Variants in KIAA1217 observed in about 807,000 individuals in gnomAD.
KIAA1217 encodes KIAA1217.
KIAA1217 carries 88 observed loss-of-function variants against 163.9 expected under a neutral mutation model. That is an observed-to-expected ratio of 0.54 (90% CI 0.45 to 0.64). The LOEUF is 0.64. Among genes scored for constraint, KIAA1217 ranks in the 30% least tolerant of loss-of-function variants. KIAA1217 has a pLI of 0.00. For synonymous variants in KIAA1217, 903 were observed against 923.1 expected (o/e 0.98, Z 0.39); for missense variants, 2,372 against 2,475.0 (o/e 0.96, Z 0.88).
At chr10:23,864,570 T>C (rs1840099958) in intron 1 of KIAA1217, among the ~76,000 whole-genome samples, 1 of 149,514 alleles carries the variant, frequency 6.7e-6, no homozygotes, top group African/African-American at 2.5e-5. Context: ...CCACAGTACT[T>C]TCAGCTTGGG....
chr10:24,242,737 C>T (rs1440011236), intron 2 of KIAA1217, among the ~76,000 whole-genome samples: 1 of 152,166 alleles, frequency 6.6e-6, no homozygotes, highest in African/African-American at 2.4e-5. Context: ...TCCTCCACAG[C>T]CTCACCAGCA....
At chr10:23,815,381 A>T (rs1837266954) in intron 1 of KIAA1217, among the ~76,000 whole-genome samples, 1 of 152,154 alleles carries the variant, frequency 6.6e-6, no homozygotes, top group African/African-American at 2.4e-5. Flanking sequence ...GCGGTGGCTC[A>T]CGCCTGTAAT....
chr10:24,531,275 G>A (rs2073078125), intron 14 of KIAA1217, among the ~76,000 whole-genome samples: 1 of 151,966 alleles, frequency 6.6e-6, no homozygotes, highest in Non-Finnish European at 1.5e-5. Context: ...TTTGTTCTTT[G>A]TTCTCATTTG....
At chr10:24,464,539 A>G (rs894851394) in intron 5 of KIAA1217, among the ~76,000 whole-genome samples, 3 of 152,028 alleles carry the variant, frequency 2.0e-5, no homozygotes, top group African/African-American at 7.3e-5. Context: ...GCTGGAGCGC[A>G]ATGGTGTGAT....
chr10:24,512,219 T>C (rs2069288676), intron 9 of KIAA1217, among the ~76,000 whole-genome samples: 1 of 152,104 alleles, frequency 6.6e-6, no homozygotes, highest in East Asian at 1.9e-4. Context: ...TCAATTTACA[T>C]GGATAATGGA....
rs2075632376 is a variant in KIAA1217 at position 24,545,486 on chromosome 10, A to G, written c.5335-341A>G. 13 of 1,280,438 alleles carry G rather than the reference A, an allele frequency of 1.0e-5. No individual in the cohort carries two copies. In the East Asian group the frequency reaches 4.4e-4, roughly 44 times the overall value. The allele number at this position is 1,280,438 out of a possible 1,614,324, so 79.3% of individuals were successfully genotyped here. The stretch of plus-strand genomic sequence containing the variant: ...ACGTCTATGTTGACTGTATTGTGTT[A>G]GAAGCACATTAACACTCCGTCACAA... On this transcript the variant is annotated intron_variant, in intron 20 of 20. Coordinates refer to ENST00000376454, the MANE Select transcript of KIAA1217 (RefSeq NM_019590.5).
chr10:24,450,570 T>C (rs1016695565), intron 5 of KIAA1217, among the ~76,000 whole-genome samples: 3 of 152,264 alleles, frequency 2.0e-5, no homozygotes, highest in Admixed American at 1.3e-4. Flanking sequence ...CTTTCAAAAG[T>C]ACATGTGTTC....
chr10:24,405,320 A>T (rs1187112216), intron 3 of KIAA1217, among the ~76,000 whole-genome samples: 1 of 152,194 alleles, frequency 6.6e-6, no homozygotes, highest in African/African-American at 2.4e-5. Flanking sequence ...AAAAATACAT[A>T]TACTTCTCTA....
chr10:24,171,516 G>A (rs1033590113), intron 2 of KIAA1217, among the ~76,000 whole-genome samples: 1 of 152,158 alleles, frequency 6.6e-6, no homozygotes, highest in East Asian at 1.9e-4. Flanking sequence ...CAATAATAAT[G>A]ATGATCGGCT....
chr10:23,972,930 T>A (rs1030308076), intron 1 of KIAA1217, among the ~76,000 whole-genome samples: 2 of 150,580 alleles, frequency 1.3e-5, no homozygotes, highest in African/African-American at 4.9e-5. Flanking sequence ...ACACAGGGAG[T>A]GGAACAACAC....
intron 14 of KIAA1217, among the ~76,000 whole-genome samples, chr10:24,530,391 C>T (rs1238214938): frequency 6.6e-6 from 1 of 152,114 alleles, no homozygotes. Flanking sequence ...CAGTGATGGA[C>T]AGGCTACCAG....
chr10:24,538,732 G>GTTTTTTTT lies in KIAA1217; in HGVS notation c.3534+1850_3534+1857dup, dbSNP rs756717624. Among the ~76,000 whole-genome samples, 31 of 87,742 alleles carry GTTTTTTTT rather than the reference G, an allele frequency of 3.5e-4. 1 individual carries two copies. The highest frequency in any genetic ancestry group is 0.011 in the Middle Eastern group (1 of 92). The allele number at this position is 87,742 out of a possible 152,430, so 57.6% of individuals were successfully genotyped here. A position where few individuals can be genotyped will look rare whatever the true frequency, so the allele number is the denominator to read the frequency against. ...AATATATTGATTTTTATTGTTTTTG[G>GTTTTTTTT]TTTTTTTTTTTTTTTTTTGTGAGAC... is the stretch of plus-strand genomic sequence containing the variant. On this transcript the variant is annotated intron_variant, in intron 17 of 20. Transcript: ENST00000376454.
chr10:24,262,246 G>T (rs1398621514), intron 2 of KIAA1217, among the ~76,000 whole-genome samples: 1 of 152,146 alleles, frequency 6.6e-6, no homozygotes, highest in Non-Finnish European at 1.5e-5. Flanking sequence ...CAAGTCCTAG[G>T]AGTCTGAGCA....
chr10:24,373,500 T>C (rs1176042673), intron 2 of KIAA1217, among the ~76,000 whole-genome samples: 1 of 152,040 alleles, frequency 6.6e-6, no homozygotes, highest in African/African-American at 2.4e-5. Context: ...CCTTGGAACT[T>C]AAAGGCTTGG....
intron 2 of KIAA1217, among the ~76,000 whole-genome samples, chr10:24,020,104 A>G (rs1343018268): frequency 1.3e-5 from 2 of 152,124 alleles, no homozygotes; most frequent in Admixed American, 6.6e-5. Context: ...ATAACCACAT[A>G]TGGTTCCAGA....
intron 3 of KIAA1217, among the ~76,000 whole-genome samples, chr10:24,412,743 C>T (rs771400288): frequency 8.5e-5 from 13 of 152,148 alleles, no homozygotes; most frequent in Non-Finnish European, 1.5e-4. Context: ...TTCATGCCAT[C>T]GGTGTGAATG....
At chr10:24,487,587 G>A (rs2133532751) in intron 6 of KIAA1217, among the ~76,000 whole-genome samples, 1 of 152,330 alleles carries the variant, frequency 6.6e-6, no homozygotes, top group Non-Finnish European at 1.5e-5. Flanking sequence ...AATTTATGAA[G>A]AAAGATTAGA....
chr10:24,198,779 C>T (rs1386032704), intron 2 of KIAA1217, among the ~76,000 whole-genome samples: 1 of 152,116 alleles, frequency 6.6e-6, no homozygotes, highest in African/African-American at 2.4e-5. Flanking sequence ...ATGTCAACAT[C>T]CTTGGCCTCC....
chr10:24,193,847 A>ACACAC (rs1564812487), intron 2 of KIAA1217, among the ~76,000 whole-genome samples: 2 of 135,522 alleles, frequency 1.5e-5, no homozygotes, highest in African/African-American at 5.5e-5. Flanking sequence ...CACACACACA[A>ACACAC]AGCAGTCACG....
Sources: gnomAD v4.1 joint callset for allele counts (sites outside exome capture counted in the v4.1 genomes callset) on GRCh38, gnomAD v4.1.1 for gene constraint, MANE v1.5 for transcripts, NCBI Gene and HGNC (gene_info 2026-07-23, HGNC 2026-07-21) for gene names.